The following TAFA1 variants were observed in gnomAD, a reference collection of about 807,000 sequenced individuals.
The protein encoded by TAFA1 is TAFA chemokine like family member 1.
In TAFA1, 4 loss-of-function variants were observed where a neutral mutation model predicts 18.5. That is an observed-to-expected ratio of 0.22 (90% CI 0.11 to 0.49). The LOEUF is 0.49. TAFA1 is among the 20% of genes least tolerant of loss of function. The pLI, the probability that TAFA1 is intolerant of heterozygous loss-of-function variation, is 0.98. For synonymous variants in TAFA1, 56 were observed against 55.2 expected, an observed-to-expected ratio of 1.01 and a Z score of -0.06; for missense variants, 147 against 169.0, an observed-to-expected ratio of 0.87 and a Z score of 0.72.
intron 2 of TAFA1, among the ~76,000 whole-genome samples, chr3:68,036,436 CAAAAAAA>C (rs10566431): frequency 7.1e-5 from 7 of 98,672 alleles, no homozygotes; most frequent in African/African-American, 1.6e-4. Context: ...GAGACTCTGT[CAAAAAAA>C]AAAAAAAAAA....
intron 3 of TAFA1, among the ~76,000 whole-genome samples, chr3:68,440,059 A>G (rs1038343884): frequency 6.6e-6 from 1 of 150,440 alleles, no homozygotes; most frequent in Non-Finnish European, 1.5e-5. Flanking sequence ...TCCAAATCTC[A>G]TCTCAAATTG....
chr3:68,495,671 G>A (rs1300228284), intron 3 of TAFA1, among the ~76,000 whole-genome samples: 2 of 152,056 alleles, frequency 1.3e-5, no homozygotes, highest in Non-Finnish European at 2.9e-5. Context: ...TAACTTTCTT[G>A]ATCATTTTGA....
intron 2 of TAFA1, among the ~76,000 whole-genome samples, chr3:68,240,116 T>C (rs913963550): frequency 1.3e-5 from 2 of 152,212 alleles, no homozygotes; most frequent in African/African-American, 4.8e-5. Context: ...GTGTTTTCTC[T>C]ACTACACTTT....
chr3:68,259,668 G>A (rs1395201272), intron 2 of TAFA1, among the ~76,000 whole-genome samples: 10 of 152,068 alleles, frequency 6.6e-5, no homozygotes, highest in African/African-American at 2.4e-4. Context: ...TTGTAAGTTG[G>A]ATTCCTAGGT....
intron 2 of TAFA1, among the ~76,000 whole-genome samples, chr3:68,207,217 C>A (rs2066539160): frequency 6.6e-6 from 1 of 151,770 alleles, no homozygotes; most frequent in African/African-American, 2.4e-5. Context: ...ATTTTGGTAA[C>A]CAAGACCCAT....
intron 3 of TAFA1, among the ~76,000 whole-genome samples, chr3:68,522,415 A>G (rs2073042226): frequency 6.6e-6 from 1 of 152,170 alleles, no homozygotes; most frequent in African/African-American, 2.4e-5. Flanking sequence ...GTGCAGAGAA[A>G]TGATAGGGAA....
At chr3:68,379,998 T>C (rs1462229246) in intron 2 of TAFA1, among the ~76,000 whole-genome samples, 1 of 151,694 alleles carries the variant, frequency 6.6e-6, no homozygotes, top group Non-Finnish European at 1.5e-5. Flanking sequence ...CTCCCACCTA[T>C]GAGTGAGAAC....
At chr3:68,008,259 A>C (rs1256593599) in intron 2 of TAFA1, among the ~76,000 whole-genome samples, 1 of 152,240 alleles carries the variant, frequency 6.6e-6, no homozygotes, top group Non-Finnish European at 1.5e-5. Context: ...AGATGGAGGG[A>C]AAACAAAAGT....
rs570336930 is a variant in TAFA1 at position 68,276,613 on chromosome 3, T to A, written c.119-140667T>A. 4.6e-5 allele frequency among the ~76,000 whole-genome samples: 7 copies of A among 152,260 alleles called. No individual in the cohort carries two copies. In the South Asian group the frequency reaches 1.4e-3, roughly 32 times the overall value. On this transcript the variant is annotated intron_variant, in intron 2 of 4. Coordinates refer to ENST00000478136, the MANE Select transcript of TAFA1 (RefSeq NM_213609.4). ...GCAGAAAACAAAGTTGCTTAATATT[T>A]TATTGTTTCTAATGGTTTCTGATGA... is the stretch of plus-strand genomic sequence containing the variant.
intron 2 of TAFA1, among the ~76,000 whole-genome samples, chr3:68,412,897 G>T (rs111356968): frequency 0.019 from 2,901 of 150,286 alleles, 50 homozygotes; most frequent in East Asian, 0.074. Flanking sequence ...TACCCAGTAA[G>T]GGGATGGCTG....
Position 68,544,911 on chromosome 3 carries a change from A to G in TAFA1, c.*408A>G, listed in dbSNP as rs1400395316. 1 of 151,804 alleles carries G rather than the reference A, an allele frequency of 6.6e-6. No individual in the cohort carries two copies. The highest frequency in any genetic ancestry group is 2.4e-5 in the African/African-American group (1 of 41,296). 9.4% of individuals were successfully genotyped at this position (151,804 alleles called of 1,614,324 possible). On this transcript the variant is annotated 3_prime_UTR_variant, in exon 5 of 5. Transcript: ENST00000478136. ...GCTGGTGTACCCCTTTGAGTTTTGG[A>G]TGTTTTGTCTGTTTTGCTTTGTTTT...
At chr3:68,452,249 G>A (rs1414064822) in intron 3 of TAFA1, among the ~76,000 whole-genome samples, 3 of 152,120 alleles carry the variant, frequency 2.0e-5, no homozygotes, top group Non-Finnish European at 2.9e-5. Context: ...TCGGCTGGGC[G>A]CCGTGGCTCA....
chr3:68,118,028 T>C (rs2065344552), intron 2 of TAFA1, among the ~76,000 whole-genome samples: 1 of 152,186 alleles, frequency 6.6e-6, no homozygotes, highest in African/African-American at 2.4e-5. Context: ...GAAAACAATT[T>C]TTTTCATGGA....
At chr3:68,203,207 C>T (rs1559557279) in intron 2 of TAFA1, among the ~76,000 whole-genome samples, 2 of 151,672 alleles carry the variant, frequency 1.3e-5, no homozygotes, top group Non-Finnish European at 2.9e-5. Flanking sequence ...TCTTTTCCTT[C>T]TAACTTCTTT....
chr3:68,405,087 A>G (rs1163091534), intron 2 of TAFA1, among the ~76,000 whole-genome samples: 1 of 152,164 alleles, frequency 6.6e-6, no homozygotes, highest in Non-Finnish European at 1.5e-5. Context: ...TGATGGATTC[A>G]GAGTCATCAT....
Position 68,512,785 on chromosome 3 carries a change from A to T in TAFA1, c.260-25971A>T, listed in dbSNP as rs578162944. Among the ~76,000 whole-genome samples the T allele has an allele frequency of 6.3e-3, 960 of 152,228 alleles. 12 individuals carry two copies. The highest frequency in any genetic ancestry group is 0.021 in the African/African-American group (887 of 41,526). Reference sequence around the variant, plus strand: ...AAGTAGGATTTAAGTTAACAAAAAAAAACCTGTTTCTTCTGGTGTCAGAAC... The same window carrying T: ...AAGTAGGATTTAAGTTAACAAAAAATAACCTGTTTCTTCTGGTGTCAGAAC... On this transcript the variant is annotated intron_variant, in intron 3 of 4. Transcript: ENST00000478136.
upstream of TAFA1, among the ~76,000 whole-genome samples, chr3:68,001,354 G>A (rs761557865): frequency 3.9e-5 from 6 of 152,060 alleles, no homozygotes; most frequent in Non-Finnish European, 8.8e-5. Context: ...CCTACATGAA[G>A]GTTATCTTTT....
chr3:68,243,048 C>A (rs1461874741), intron 2 of TAFA1, among the ~76,000 whole-genome samples: 2 of 152,002 alleles, frequency 1.3e-5, no homozygotes, highest in African/African-American at 4.8e-5. Flanking sequence ...ATATCTTAAT[C>A]ATACCAGTGA....
intron 2 of TAFA1, among the ~76,000 whole-genome samples, chr3:68,116,400 C>T (rs933163459): frequency 2.0e-5 from 3 of 152,132 alleles, no homozygotes; most frequent in Admixed American, 6.5e-5. Context: ...CAATCAGCCA[C>T]GCTACTTATA....
Sources: allele counts gnomAD v4.1 joint callset (sites outside exome capture counted in the v4.1 genomes callset), GRCh38; gene constraint gnomAD v4.1.1; transcripts MANE v1.5; gene names NCBI Gene and HGNC (gene_info 2026-07-23, HGNC 2026-07-21).